Variants in NRG3 observed in about 807,000 individuals in gnomAD.
NRG3 encodes pro-neuregulin-3, membrane-bound isoform.
In NRG3, 31 loss-of-function variants were observed where a neutral mutation model predicts 66.9. The ratio of observed to expected loss-of-function variants is 0.46; its 90% CI spans 0.35 to 0.63. The LOEUF (loss-of-function observed/expected upper bound fraction) is 0.63. Ranked by LOEUF, NRG3 falls within the 20% of genes least tolerant of loss-of-function variation. NRG3 has a pLI of 0.00. For missense variants in NRG3, 910 were observed against 878.9 expected, an observed-to-expected ratio of 1.04 and a Z score of -0.45; for synonymous variants, 393 against 359.4, an observed-to-expected ratio of 1.09 and a Z score of -1.06.
chr10:82,928,612 G>T (rs1591990822), intron 4 of NRG3, among the ~76,000 whole-genome samples: 1 of 117,806 alleles, frequency 8.5e-6, no homozygotes. Flanking sequence ...GGATCAGCAG[G>T]TTTTTTTTTT....
intron 1 of NRG3, among the ~76,000 whole-genome samples, chr10:82,176,880 G>GACACACACACACAC (rs142443398): frequency 0.014 from 2,076 of 146,212 alleles, 43 homozygotes; most frequent in East Asian, 0.058. Flanking sequence ...TTTAAAACAA[G>GACACACACACACAC]ACACACACAC....
At chr10:81,892,867 A>T (rs1173193645) in intron 1 of NRG3, among the ~76,000 whole-genome samples, 1 of 152,010 alleles carries the variant, frequency 6.6e-6, no homozygotes, top group Non-Finnish European at 1.5e-5. Context: ...GGTGATGGAT[A>T]CTCCATTTAC....
At chr10:81,949,299 AG>A (rs1849120254) in intron 1 of NRG3, among the ~76,000 whole-genome samples, 1 of 150,650 alleles carries the variant, frequency 6.6e-6, no homozygotes, top group African/African-American at 2.5e-5. Flanking sequence ...AATTACCTCC[AG>A]GAAGTCAAGG....
At chr10:82,874,463 A>G (rs900812020) in intron 4 of NRG3, among the ~76,000 whole-genome samples, 2 of 150,336 alleles carry the variant, frequency 1.3e-5, no homozygotes, top group Non-Finnish European at 2.9e-5. Context: ...ATTTTCATTC[A>G]TTTGAATATA....
At chr10:82,448,617 T>G in intron 2 of NRG3, among the ~76,000 whole-genome samples, 1 of 152,326 alleles carries the variant, frequency 6.6e-6, no homozygotes, top group Middle Eastern at 3.4e-3. Context: ...CACAAATGGC[T>G]GCTTCTTTCC....
At chr10:81,896,117 C>T (rs1843503366) in intron 1 of NRG3, among the ~76,000 whole-genome samples, 1 of 152,094 alleles carries the variant, frequency 6.6e-6, no homozygotes, top group South Asian at 2.1e-4. Context: ...AAATTTAAAT[C>T]CCACAATGTT....
chr10:82,781,057 C>T lies in NRG3; in HGVS notation c.1027+42407C>T, dbSNP rs147886700. ...ATTTGGGAATTATAAGATGCCCATG[C>T]TGTATCTCTTTGTGCTGGTGTGGGA... On this transcript the variant is annotated intron_variant, in intron 3 of 8. Coordinates refer to ENST00000372141, the MANE Select transcript of NRG3 (RefSeq NM_001010848.4). Among the ~76,000 whole-genome samples, 239 of 152,292 alleles carry T rather than the reference C, an allele frequency of 1.6e-3. 3 individuals are homozygous for T. Among genetic ancestry groups the T allele is most frequent in the Non-Finnish European group, 2.9e-3 (196 of 68,012 alleles).
rs147936430 is a variant in NRG3 at position 82,527,248 on chromosome 10, A to G, written c.953+168380A>G. Reference sequence around the variant, plus strand: ...TCAACTTGAATGAATCATGCCATCAAATCTTGAGTAAATCAAGAAACATTC... The same window carrying G: ...TCAACTTGAATGAATCATGCCATCAGATCTTGAGTAAATCAAGAAACATTC... On this transcript the variant is annotated intron_variant, in intron 2 of 8. Transcript: ENST00000372141. 3.2e-4 allele frequency among the ~76,000 whole-genome samples: 49 copies of G among 152,284 alleles called. No homozygotes were observed. In the East Asian group the frequency reaches 5.8e-3, roughly 18 times the overall value.
intron 4 of NRG3, among the ~76,000 whole-genome samples, chr10:82,928,880 T>A (rs954263475): frequency 6.6e-6 from 1 of 152,208 alleles, no homozygotes. Flanking sequence ...ATTTTGTACA[T>A]CTGTGTTCCT....
chr10:82,361,438 T>C (rs1214921766), intron 2 of NRG3, among the ~76,000 whole-genome samples: 2 of 152,188 alleles, frequency 1.3e-5, no homozygotes, highest in African/African-American at 4.8e-5. Context: ...CTCTCAAGCT[T>C]TGCTGTGAAT....
intron 1 of NRG3, among the ~76,000 whole-genome samples, chr10:81,973,303 C>T (rs1461087597): frequency 6.6e-6 from 1 of 152,200 alleles, no homozygotes; most frequent in East Asian, 1.9e-4. Context: ...TTTATCCAGT[C>T]TATCACTGAT....
chr10:82,576,492 C>G (rs2046043235), intron 2 of NRG3, among the ~76,000 whole-genome samples: 1 of 151,566 alleles, frequency 6.6e-6, no homozygotes, highest in Non-Finnish European at 1.5e-5. Flanking sequence ...TAGTTTCTGC[C>G]CAGTGAAAGT....
At chr10:82,222,877 C>A (rs1318256333) in intron 1 of NRG3, among the ~76,000 whole-genome samples, 1 of 152,080 alleles carries the variant, frequency 6.6e-6, no homozygotes, top group East Asian at 1.9e-4. Context: ...CTTTTTACAT[C>A]CTAATATGTG....
At chr10:82,301,560 T>A (rs7901923) in intron 1 of NRG3, among the ~76,000 whole-genome samples, 1 of 151,806 alleles carries the variant, frequency 6.6e-6, no homozygotes, top group African/African-American at 2.4e-5. Context: ...CTGATACTAA[T>A]CTATTCTGAA....
At chr10:82,264,226 A>T (rs900114840) in intron 1 of NRG3, among the ~76,000 whole-genome samples, 5 of 152,200 alleles carry the variant, frequency 3.3e-5, no homozygotes, top group Non-Finnish European at 7.3e-5. Flanking sequence ...AAGAGGTTTA[A>T]TGGACTCACA....
intron 3 of NRG3, among the ~76,000 whole-genome samples, chr10:82,779,122 G>C (rs1400080556): frequency 2.0e-5 from 3 of 152,082 alleles, no homozygotes. Flanking sequence ...CGGACCACAG[G>C]GGGTGGGGTG....
chr10:82,172,827 G>T (rs9664570), intron 1 of NRG3, among the ~76,000 whole-genome samples: 1 of 152,014 alleles, frequency 6.6e-6, no homozygotes, highest in Non-Finnish European at 1.5e-5. Flanking sequence ...CTTGTGATGG[G>T]CCCTCCCTGT....
At chr10:82,076,327 T>C (rs1056097570) in intron 1 of NRG3, among the ~76,000 whole-genome samples, 2 of 152,226 alleles carry the variant, frequency 1.3e-5, no homozygotes, top group Non-Finnish European at 2.9e-5. Context: ...TCCTCAGTCG[T>C]CCAGCTCTGA....
At chr10:82,643,574 G>A (rs1225497740) in intron 2 of NRG3, among the ~76,000 whole-genome samples, 1 of 152,020 alleles carries the variant, frequency 6.6e-6, no homozygotes, top group African/African-American at 2.4e-5. Flanking sequence ...AAATAGATCA[G>A]AGGGTCTAAA....
Sources: gnomAD v4.1 joint callset for allele counts (sites outside exome capture counted in the v4.1 genomes callset) on GRCh38, gnomAD v4.1.1 for gene constraint, MANE v1.5 for transcripts, NCBI Gene and HGNC (gene_info 2026-07-23, HGNC 2026-07-21) for gene names.